BAZ2B: variants seen among roughly 807,000 people sequenced by gnomAD.
BAZ2B encodes the protein bromodomain adjacent to zinc finger domain protein 2B.
Under a neutral mutation model 246.0 loss-of-function variants are expected in BAZ2B, and 91 were observed. That is an observed-to-expected ratio of 0.37 (90% confidence interval 0.31 to 0.44). BAZ2B has a LOEUF of 0.44. Ranked by LOEUF, BAZ2B falls within the 20% of genes least tolerant of loss-of-function variation. The pLI is 1.00. For synonymous variants in BAZ2B, 855 were observed against 860.0 expected (o/e 0.99, Z 0.10); for missense variants, 2,332 against 2,533.7 (o/e 0.92, Z 1.71).
intron 2 of BAZ2B, among the ~76,000 whole-genome samples, chr2:159,488,715 A>G (rs1284570091): frequency 6.6e-6 from 1 of 152,142 alleles, no homozygotes; most frequent in Non-Finnish European, 1.5e-5. Context: ...TTTAGGGGGA[A>G]GAACTAACCT....
chr2:159,349,027 C>T lies in BAZ2B; in HGVS notation c.5117G>A (p.Ser1706Asn), dbSNP rs769583464. 1 of 1,614,042 alleles carries T rather than the reference C, an allele frequency of 6.2e-7. No individual in the cohort carries two copies. The highest frequency in any genetic ancestry group is 1.7e-5 in the Admixed American group (1 of 60,000). Residue 1706 changes from serine to asparagine, a missense_variant, in exon 29 of 37, where the codon AGT becomes AAT. Physicochemically the swap from Ser to Asn is conservative, Grantham distance 46 (BLOSUM62 1). Transcript: ENST00000392783. ...VEVAKPVDFPSPKPIPEEMQF... is the reference protein window; with the variant it reads ...VEVAKPVDFPNPKPIPEEMQF... ...CCTACCTTCTGGAATAGGTTTTGGACTAGGAAAATCTACTGGTTTTGCTAC... is the reference window on the plus strand; with the variant it reads ...CCTACCTTCTGGAATAGGTTTTGGATTAGGAAAATCTACTGGTTTTGCTAC...
the BAZ2B span, among the ~76,000 whole-genome samples, chr2:159,669,386 T>C: frequency 2.6e-5 from 4 of 152,362 alleles, no homozygotes; most frequent in East Asian, 7.7e-4. Flanking sequence ...ATACACTATG[T>C]GAACATAAAA....
In BAZ2B at chr2:159,406,492, T is replaced by C. The variant is rs1336279200; in HGVS notation, c.2678-1378A>G. On this transcript the variant is annotated intron_variant, in intron 14 of 36. Coordinates refer to ENST00000392783, the MANE Select transcript of BAZ2B (RefSeq NM_013450.4). The stretch of plus-strand genomic sequence containing the variant: ...AAGGGTGTAACAGACACAGAAACCA[T>C]GTAATATCCTTGCTTTCTTCTGCTG... Among the ~76,000 whole-genome samples, 3 of 152,352 alleles carry C rather than the reference T, an allele frequency of 2.0e-5. No individual in the cohort carries two copies. The East Asian group carries it at 5.8e-4, about 29-fold the overall frequency.
chr2:159,542,773 C>T (rs1412862187), intron 2 of BAZ2B, among the ~76,000 whole-genome samples: 1 of 151,980 alleles, frequency 6.6e-6, no homozygotes, highest in Non-Finnish European at 1.5e-5. Flanking sequence ...AACTATTAAC[C>T]AAGAATTCTA....
intron 2 of BAZ2B, chr2:159,516,514 T>C (rs2083459186): frequency 6.6e-6 from 1 of 152,468 alleles, no homozygotes; most frequent in African/African-American, 2.4e-5. Flanking sequence ...ACACCTAAAA[T>C]CTACCTAACA....
chr2:159,324,777 A>G (rs779768532), intron 36 of BAZ2B, 34 bp downstream of exon 36: 3 of 1,398,784 alleles, frequency 2.1e-6, no homozygotes, highest in African/African-American at 3.0e-5. Flanking sequence ...CAGGTATTCA[A>G]TAAATATTTA....
At chr2:159,506,620 T>C (rs2082353038) in intron 2 of BAZ2B, among the ~76,000 whole-genome samples, 1 of 152,186 alleles carries the variant, frequency 6.6e-6, no homozygotes, top group Admixed American at 6.5e-5. Flanking sequence ...GGAAGATTAC[T>C]ATGAATACTT....
chr2:159,691,501 G>A, the BAZ2B span, among the ~76,000 whole-genome samples: 2 of 152,128 alleles, frequency 1.3e-5, no homozygotes, highest in Non-Finnish European at 1.5e-5. Context: ...GTACTGTACT[G>A]TATTTACTGA....
In BAZ2B at chr2:159,325,827, C is replaced by G. The variant is rs748956349; in HGVS notation, c.6035G>C (p.Gly2012Ala). ...SKKGKKVTLT[G>A]DTEDEDSAST... ...TGCAGAGTCTTCATCTTCAGTATCT[C>G]CTGTTAAAGTTACCTTCTTGCCTTT... Residue 2012 changes from glycine to alanine, a missense_variant, in exon 35 of 37, where the codon GGA becomes GCA. By Grantham distance (60) the Gly-to-Ala change is moderately conservative (BLOSUM62 0). Transcript: ENST00000392783. The G allele has an allele frequency of 1.4e-5, 23 of 1,609,468 alleles. No homozygotes were observed. The highest frequency in any genetic ancestry group is 2.0e-5 in the Non-Finnish European group (23 of 1,178,830).
At chr2:159,467,643 A>T (rs1317438481) in intron 3 of BAZ2B, among the ~76,000 whole-genome samples, 1 of 152,084 alleles carries the variant, frequency 6.6e-6, no homozygotes, top group African/African-American at 2.4e-5. Flanking sequence ...TTAGGAAAAA[A>T]TTTTTTTAAA....
chr2:159,485,331 C>T (rs975676514), intron 2 of BAZ2B, among the ~76,000 whole-genome samples: 2 of 151,854 alleles, frequency 1.3e-5, no homozygotes, highest in Non-Finnish European at 2.9e-5. Context: ...AGACAGCAGA[C>T]AAAATTATTC....
intron 2 of BAZ2B, among the ~76,000 whole-genome samples, chr2:159,527,445 T>C (rs761588534): frequency 6.6e-6 from 1 of 152,190 alleles, no homozygotes; most frequent in Non-Finnish European, 1.5e-5. Context: ...AGCAAATGTT[T>C]TTAATTTTGA....
At chr2:159,477,641 T>A (rs1362635923) in intron 3 of BAZ2B, among the ~76,000 whole-genome samples, 2 of 152,232 alleles carry the variant, frequency 1.3e-5, no homozygotes, top group East Asian at 3.9e-4. Flanking sequence ...CATGAAATAA[T>A]GTATAAGATA....
chr2:159,530,450 T>C (rs1360613840), intron 2 of BAZ2B, among the ~76,000 whole-genome samples: 1 of 152,220 alleles, frequency 6.6e-6, no homozygotes, highest in Non-Finnish European at 1.5e-5. Context: ...AGTATATCTA[T>C]AAATAATCTA....
At chr2:159,405,711 TA>T (rs2065826068) in intron 14 of BAZ2B, among the ~76,000 whole-genome samples, 1 of 94,586 alleles carries the variant, frequency 1.1e-5, no homozygotes, top group Admixed American at 9.0e-5. Context: ...CAGAGAGGCT[TA>T]TTTAAGTACA....
the BAZ2B span, among the ~76,000 whole-genome samples, chr2:159,676,995 T>TATATATATATATA: frequency 1.5e-5 from 2 of 133,578 alleles, no homozygotes; most frequent in Non-Finnish European, 3.2e-5. Flanking sequence ...TATATATATA[T>TATATATATATATA]TACAATTTTT....
chr2:159,649,267 G>A, the BAZ2B span, among the ~76,000 whole-genome samples: 1 of 151,974 alleles, frequency 6.6e-6, no homozygotes, highest in Admixed American at 6.6e-5. Flanking sequence ...CCCTGAGCTT[G>A]TTTTCCTGCA....
intron 25 of BAZ2B, among the ~76,000 whole-genome samples, chr2:159,377,812 C>CAAAAAAAAAAAAAAAA (rs35570732): frequency 2.0e-4 from 19 of 94,164 alleles, no homozygotes; most frequent in Non-Finnish European, 2.8e-4. Flanking sequence ...ACTCTGTCTC[C>CAAAAAAAAAAAAAAAA]AAAAAAAAAA....
chr2:159,606,929 T>TC (rs1432612676), intron 1 of BAZ2B, among the ~76,000 whole-genome samples: 1 of 150,906 alleles, frequency 6.6e-6, no homozygotes, highest in African/African-American at 2.4e-5. Flanking sequence ...TCTATTTTTT[T>TC]TTTTTTTTGA....
Sources: allele counts gnomAD v4.1 joint callset (sites outside exome capture counted in the v4.1 genomes callset), GRCh38; gene constraint gnomAD v4.1.1; transcripts MANE v1.5; gene names NCBI Gene and HGNC (gene_info 2026-07-23, HGNC 2026-07-21).